The following RANBP1 variants were observed in gnomAD, a reference collection of about 807,000 sequenced individuals.
The protein encoded by RANBP1 is ran-specific GTPase-activating protein.
A neutral mutation model predicts 31.4 loss-of-function variants in RANBP1; 16 were observed. The observed-to-expected ratio is 0.51, with a 90% CI of 0.34 to 0.77. The LOEUF (loss-of-function observed/expected upper bound fraction) is 0.77. RANBP1 is among the 30% of genes least tolerant of loss of function. The probability of loss-of-function intolerance (pLI) is 0.01; values close to 1 mark genes in which losing one functional copy is unlikely to be tolerated. For synonymous variants in RANBP1, 129 were observed against 140.5 expected (o/e 0.92, Z 0.58); for missense variants, 265 against 362.0 (o/e 0.73, Z 2.17).
chr22:20,127,071 C>A lies in RANBP1; in HGVS notation c.*19C>A, dbSNP rs371388330. 22 of 1,578,200 alleles carry A rather than the reference C, an allele frequency of 1.4e-5. No individual in the cohort carries two copies. The South Asian group carries it at 1.5e-4, about 11-fold the overall frequency. ...GCAATAAATCGTCTTATTTTATTTT[C>A]TTTTCCTCTCTTTCCTTTCCTTTTT... On this transcript the variant is annotated 3_prime_UTR_variant, in exon 6 of 6. Transcript: ENST00000430524.
intron 2 of RANBP1, chr22:20,119,579 G>C (rs1215935479): frequency 5.6e-6 from 1 of 177,518 alleles, no homozygotes; most frequent in Non-Finnish European, 1.2e-5. Flanking sequence ...CCAGGCTGGA[G>C]TGCAGTGGTG....
chr22:20,123,855 C>T (rs1202501156), intron 3 of RANBP1, among the ~76,000 whole-genome samples: 2 of 152,050 alleles, frequency 1.3e-5, no homozygotes, highest in African/African-American at 4.8e-5. Flanking sequence ...CTGGGGTGTC[C>T]CTTGGTAAGC....
intron 1 of RANBP1, 152 bp downstream of exon 1, chr22:20,116,582 C>G: frequency 6.4e-7 from 1 of 1,562,918 alleles, no homozygotes; most frequent in African/African-American, 1.4e-5. Context: ...CTGCTGCTCT[C>G]CTGGCCACAG....
chr22:20,116,502 C>G, intron 1 of RANBP1, 72 bp downstream of exon 1: 1 of 1,612,764 alleles, frequency 6.2e-7, no homozygotes. Context: ...CCCCAGCGCC[C>G]TCTTTCTCCA....
At chr22:20,118,936 C>G in intron 1 of RANBP1, 77 bp from the exon 2 acceptor site, 1 of 1,475,972 alleles carries the variant, frequency 6.8e-7, no homozygotes, top group South Asian at 1.2e-5. Context: ...GAGGGCTGAC[C>G]ACTGCAGGCA....
Position 20,127,109 on chromosome 22 carries a change from A to G in RANBP1, c.*57A>G, listed in dbSNP as rs1315928216. ...TCCTTTCCTTTTTTTAAAAAATTTT[A>G]CCCTGCCCCTCTTTTTCGGTTTGTT... is the stretch of plus-strand genomic sequence containing the variant. On this transcript the variant is annotated 3_prime_UTR_variant, in exon 6 of 6. Transcript: ENST00000430524. 1.4e-6 allele frequency: 2 copies of G among 1,406,000 alleles called. No homozygotes were observed. The highest frequency in any genetic ancestry group is 9.6e-7 in the Non-Finnish European group (1 of 1,044,626). The allele number at this position is 1,406,000 out of a possible 1,614,324, so 87.1% of individuals were successfully genotyped here.
chr22:20,117,619 C>T (rs745768671), intron 1 of RANBP1: 2 of 1,300,352 alleles, frequency 1.5e-6, no homozygotes, highest in South Asian at 4.0e-5. Context: ...GACGACCGAC[C>T]CAGCCGAGCC....
chr22:20,118,961 G>T (rs973948997), intron 1 of RANBP1, 52 bp from the exon 2 acceptor site: 1 of 1,588,058 alleles, frequency 6.3e-7, no homozygotes, highest in Admixed American at 1.8e-5. Context: ...TTGGGCTCTG[G>T]TTGTGAGCCA....
At chr22:20,120,360 T>C (rs559400043) in intron 2 of RANBP1, among the ~76,000 whole-genome samples, 12 of 152,298 alleles carry the variant, frequency 7.9e-5, no homozygotes, top group Admixed American at 3.3e-4. Context: ...TTTGCTGTGG[T>C]GAAGTGCTTG....
chr22:20,119,887 TAAAA>T (rs1245712689), intron 2 of RANBP1, among the ~76,000 whole-genome samples: 1 of 152,182 alleles, frequency 6.6e-6, no homozygotes, highest in Non-Finnish European at 1.5e-5. Context: ...TAAAACCACT[TAAAA>T]AAATTCTGTA....
intron 1 of RANBP1, 65 bp downstream of exon 1, chr22:20,116,495 C>A: frequency 8.1e-6 from 13 of 1,612,812 alleles, no homozygotes; most frequent in Non-Finnish European, 1.1e-5. Context: ...GTAGCCGCCC[C>A]AGCGCCCTCT....
At chr22:20,123,426 GGTGTTGGGGGGGGTGTGT>G (rs2050229491) in intron 3 of RANBP1, among the ~76,000 whole-genome samples, 1 of 71,004 alleles carries the variant, frequency 1.4e-5, no homozygotes, top group Non-Finnish European at 3.4e-5. Context: ...TGGGGTGTGT[GGTGTTGGGGGGGGTGTGT>G]GGTGTCTGGG....
At chr22:20,125,165 G>A (rs565652493) in intron 3 of RANBP1, 143 bp from the exon 4 acceptor site, 2 of 875,080 alleles carry the variant, frequency 2.3e-6, no homozygotes, top group South Asian at 1.5e-5. Flanking sequence ...CTTTGTCTAA[G>A]CCTGGTTCTC....
intron 2 of RANBP1, among the ~76,000 whole-genome samples, chr22:20,121,778 T>C (rs940100001): frequency 6.6e-6 from 1 of 152,068 alleles, no homozygotes; most frequent in Non-Finnish European, 1.5e-5. Flanking sequence ...GAGGGAAATA[T>C]TGTGACTGTA....
chr22:20,122,689 G>GGAC, intron 3 of RANBP1: 1 of 1,412,040 alleles, frequency 7.1e-7, no homozygotes. Context: ...GCTGGGCTCG[G>GGAC]GACGAGGAGT....
chr22:20,118,367 C>T (rs767810087), intron 1 of RANBP1: 33 of 999,308 alleles, frequency 3.3e-5, no homozygotes, highest in South Asian at 1.4e-4. Context: ...GCTCTCTTAT[C>T]CTCTAAATTG....
chr22:20,123,908 C>T (rs1184288474), intron 3 of RANBP1, among the ~76,000 whole-genome samples: 4 of 152,084 alleles, frequency 2.6e-5, no homozygotes, highest in African/African-American at 9.7e-5. Context: ...TCCGGCGGGG[C>T]AGGGTCCCTC....
At chr22:20,117,573 A>C in intron 1 of RANBP1, 1 of 1,406,922 alleles carries the variant, frequency 7.1e-7, no homozygotes, top group Non-Finnish European at 9.3e-7. Context: ...GGAGGGAAGG[A>C]GCTACGAGTA....
At chr22:20,126,858 G>T in intron 5 of RANBP1, 94 bp from the exon 6 acceptor site, 3 of 1,473,270 alleles carry the variant, frequency 2.0e-6, no homozygotes, top group Non-Finnish European at 2.8e-6. Flanking sequence ...AAGCCGCTGT[G>T]GGTGGGTGAC....
Sources: gnomAD v4.1 joint callset for allele counts (sites outside exome capture counted in the v4.1 genomes callset) on GRCh38, gnomAD v4.1.1 for gene constraint, MANE v1.5 for transcripts, NCBI Gene and HGNC (gene_info 2026-07-23, HGNC 2026-07-21) for gene names.